Variants in GRIN2B observed in about 807,000 individuals in gnomAD.
GRIN2B encodes the protein glutamate ionotropic receptor NMDA type subunit 2B.
A neutral mutation model predicts 114.5 loss-of-function variants in GRIN2B; 5 were observed. That is an observed-to-expected ratio of 0.04 (90% CI 0.02 to 0.09). The LOEUF (loss-of-function observed/expected upper bound fraction) is 0.09, where lower values mean the gene tolerates loss of function less well. Among genes scored for constraint, GRIN2B ranks in the 10% least tolerant of loss-of-function variants. GRIN2B has a pLI of 1.00. For synonymous variants in GRIN2B, 787 were observed against 745.1 expected (o/e 1.06, Z -0.92); for missense variants, 1,108 against 1,943.5 (o/e 0.57, Z 8.08).
intron 4 of GRIN2B, among the ~76,000 whole-genome samples, chr12:13,693,104 A>T (rs552818435): frequency 1.3e-5 from 2 of 152,014 alleles, no homozygotes; most frequent in Non-Finnish European, 2.9e-5. Flanking sequence ...GCTCACATTT[A>T]TCTTAATGTT....
chr12:13,562,766 CCT>C lies in GRIN2B; in HGVS notation c.*15_*16del, dbSNP rs753929690. ...CCTTACCCTCCCGTACCCACCTTAACCTCTCTGTTCCCTCACTCAGACATCAG... is the reference window on the plus strand; with the variant it reads ...CCTTACCCTCCCGTACCCACCTTAACCTCTGTTCCCTCACTCAGACATCAG... On this transcript the variant is annotated 3_prime_UTR_variant, in exon 14 of 14. Transcript: ENST00000609686. The C allele has an allele frequency of 6.2e-7, 1 of 1,607,546 alleles. No homozygotes were observed. The highest frequency in any genetic ancestry group is 1.3e-5 in the African/African-American group (1 of 74,818).
At chr12:13,938,560 G>A (rs1281519015) in intron 2 of GRIN2B, among the ~76,000 whole-genome samples, 3 of 152,054 alleles carry the variant, frequency 2.0e-5, no homozygotes, top group Non-Finnish European at 4.4e-5. Flanking sequence ...CAATAAAAAG[G>A]AACAAACTAC....
intron 3 of GRIN2B, among the ~76,000 whole-genome samples, chr12:13,777,006 C>G (rs1021845477): frequency 6.6e-6 from 1 of 152,136 alleles, no homozygotes; most frequent in Non-Finnish European, 1.5e-5. Flanking sequence ...CAAGGGGACA[C>G]TAATGGGTGT....
At chr12:13,852,729 C>T (rs963275404) in intron 3 of GRIN2B, among the ~76,000 whole-genome samples, 3 of 149,194 alleles carry the variant, frequency 2.0e-5, no homozygotes, top group Admixed American at 6.7e-5. Flanking sequence ...AGAAATCACA[C>T]GTGGCAAGAG....
intron 4 of GRIN2B, among the ~76,000 whole-genome samples, chr12:13,744,254 C>A (rs1863335128): frequency 6.6e-6 from 1 of 152,202 alleles, no homozygotes; most frequent in African/African-American, 2.4e-5. Context: ...CATATTCAAC[C>A]TTTCTCATGT....
intron 4 of GRIN2B, among the ~76,000 whole-genome samples, chr12:13,717,530 A>G (rs74442473): frequency 0.065 from 9,850 of 152,030 alleles, 391 homozygotes; most frequent in African/African-American, 0.088. Flanking sequence ...TGCCTAACCC[A>G]GTAGCCTATA....
At chr12:13,938,139 G>A (rs906678309) in intron 2 of GRIN2B, among the ~76,000 whole-genome samples, 25 of 151,714 alleles carry the variant, frequency 1.6e-4, no homozygotes, top group African/African-American at 3.4e-4. Context: ...CAAAGAAGGC[G>A]GGAAAGAAGA....
intron 3 of GRIN2B, among the ~76,000 whole-genome samples, chr12:13,842,899 T>C (rs1247937885): frequency 2.7e-5 from 4 of 149,254 alleles, no homozygotes; most frequent in Non-Finnish European, 5.9e-5. Context: ...CATTGGAATG[T>C]TGTGAAGATT....
chr12:13,807,464 C>A (rs1864624131), intron 3 of GRIN2B, among the ~76,000 whole-genome samples: 1 of 152,024 alleles, frequency 6.6e-6, no homozygotes, highest in African/African-American at 2.4e-5. Context: ...TCTCTCTGAC[C>A]ACATTCACCT....
At chr12:13,838,233 G>A (rs1359944696) in intron 3 of GRIN2B, among the ~76,000 whole-genome samples, 8 of 152,142 alleles carry the variant, frequency 5.3e-5, no homozygotes, top group African/African-American at 1.7e-4. Context: ...TTCTCCTCAA[G>A]ACAAAGCCTG....
At chr12:13,767,752 A>G (rs572205103) in intron 3 of GRIN2B, among the ~76,000 whole-genome samples, 57 of 152,294 alleles carry the variant, frequency 3.7e-4, no homozygotes, top group South Asian at 8.3e-4. Flanking sequence ...GGTTTGTAGG[A>G]AAATGTCCTC....
Position 13,652,279 on chromosome 12 carries a change from A to G in GRIN2B, c.1125+23466T>C, listed in dbSNP as rs551939111. 2.0e-5 allele frequency among the ~76,000 whole-genome samples: 3 copies of G among 151,802 alleles called. No individual in the cohort carries two copies. In the East Asian group the frequency reaches 5.9e-4, roughly 30 times the overall value. ...CAGCCTCTGTGGAGAGGCTCTCTGT[A>G]TCCTCTGGAGAAGAGGTACAAGTAA... On this transcript the variant is annotated intron_variant, in intron 5 of 13. Transcript: ENST00000609686.
intron 4 of GRIN2B, among the ~76,000 whole-genome samples, chr12:13,715,059 T>C (rs753836411): frequency 9.2e-5 from 14 of 151,848 alleles, no homozygotes; most frequent in Non-Finnish European, 1.6e-4. Context: ...TTATGGGTCT[T>C]AACGGTGCTA....
chr12:13,699,582 GA>G (rs1020509659), intron 4 of GRIN2B, among the ~76,000 whole-genome samples: 4 of 151,186 alleles, frequency 2.6e-5, no homozygotes, highest in Admixed American at 2.6e-4. Flanking sequence ...TACCTGAAAG[GA>G]AAAAAAATAA....
chr12:13,905,625 C>T (rs1258671389), intron 2 of GRIN2B, among the ~76,000 whole-genome samples: 3 of 152,030 alleles, frequency 2.0e-5, no homozygotes, highest in African/African-American at 4.8e-5. Context: ...AGGTGGTTCC[C>T]GGCAGTCTAG....
intron 5 of GRIN2B, among the ~76,000 whole-genome samples, chr12:13,641,070 T>G (rs540575986): frequency 1.4e-5 from 2 of 147,010 alleles, no homozygotes; most frequent in South Asian, 2.2e-4. Flanking sequence ...AATTGTATCA[T>G]GCTTATTATT....
intron 2 of GRIN2B, among the ~76,000 whole-genome samples, chr12:13,897,677 G>C (rs1157730353): frequency 6.6e-6 from 1 of 152,024 alleles, no homozygotes; most frequent in African/African-American, 2.4e-5. Context: ...GTTGTATTAG[G>C]TAATCTTAAA....
chr12:13,815,143 C>T (rs924385047), intron 3 of GRIN2B, among the ~76,000 whole-genome samples: 1 of 152,134 alleles, frequency 6.6e-6, no homozygotes, highest in Non-Finnish European at 1.5e-5. Context: ...TAGCACAATG[C>T]TATACACATA....
intron 2 of GRIN2B, among the ~76,000 whole-genome samples, chr12:13,917,421 G>A: frequency 6.6e-6 from 1 of 152,160 alleles, no homozygotes; most frequent in East Asian, 1.9e-4. Flanking sequence ...TGGGCCGGCT[G>A]TATTGCGAAG....
Sources: gnomAD v4.1 joint callset for allele counts (sites outside exome capture counted in the v4.1 genomes callset) on GRCh38, gnomAD v4.1.1 for gene constraint, MANE v1.5 for transcripts, NCBI Gene and HGNC (gene_info 2026-07-23, HGNC 2026-07-21) for gene names.